Variants in INSL6 observed in about 807,000 individuals in gnomAD.
INSL6 encodes the protein insulin like 6, also known as insulin-like peptide INSL6.
A neutral mutation model predicts 9.4 loss-of-function variants in INSL6; 16 were observed. The observed-to-expected ratio is 1.70, with a 90% confidence interval of 1.15 to 2.59. INSL6 has a LOEUF of 2.59. INSL6 is among the 30% of genes most tolerant of loss of function. The pLI is 0.00. For synonymous variants in INSL6, 154 were observed against 96.9 expected (o/e 1.59, Z -3.46); for missense variants, 391 against 257.3 (o/e 1.52, Z -3.56).
chr9:5,008,054 T>C, the INSL6 span, among the ~76,000 whole-genome samples: 1 of 152,174 alleles, frequency 6.6e-6, no homozygotes. Flanking sequence ...CTTATCAAAC[T>C]GTTTACACAG....
the INSL6 span, among the ~76,000 whole-genome samples, chr9:5,064,662 C>T: frequency 6.6e-6 from 1 of 152,042 alleles, no homozygotes; most frequent in African/African-American, 2.4e-5. Context: ...AAAATGATGG[C>T]TATAGAGTGA....
the INSL6 span, among the ~76,000 whole-genome samples, chr9:5,117,764 C>G: frequency 3.4e-4 from 51 of 151,856 alleles, 1 homozygote; most frequent in South Asian, 0.011. Flanking sequence ...TTTTGGCAAC[C>G]TCAGTAATTT....
intron 2 of INSL6, among the ~76,000 whole-genome samples, chr9:5,136,300 T>A (rs1213677282): frequency 2.0e-5 from 3 of 152,082 alleles, no homozygotes; most frequent in African/African-American, 7.2e-5. Context: ...TACCAAAACC[T>A]GGCAGAGACA....
At chr9:5,167,918 G>A (rs76347502) in intron 1 of INSL6, among the ~76,000 whole-genome samples, 18,005 of 152,122 alleles carry the variant, frequency 0.12, 3,343 homozygotes, top group African/African-American at 0.4. Flanking sequence ...ATACCTCCTG[G>A]GGTGGAAGAA....
At chr9:5,172,570 G>T (rs1032861857) in intron 1 of INSL6, among the ~76,000 whole-genome samples, 1 of 152,104 alleles carries the variant, frequency 6.6e-6, no homozygotes, top group Non-Finnish European at 1.5e-5. Context: ...ATTTAACGAA[G>T]GTCTAATATC....
chr9:5,104,844 G>C, the INSL6 span, among the ~76,000 whole-genome samples: 1 of 152,264 alleles, frequency 6.6e-6, no homozygotes, highest in Admixed American at 6.5e-5. Flanking sequence ...AAAGGTCTTT[G>C]ACAAAATTCT....
At chr9:5,182,192 T>C (rs772726959) in intron 1 of INSL6, among the ~76,000 whole-genome samples, 5 of 152,082 alleles carry the variant, frequency 3.3e-5, no homozygotes, top group Non-Finnish European at 5.9e-5. Context: ...AATAAATCAG[T>C]AAAATGTGAG....
At chr9:5,063,083 C>G in the INSL6 span, among the ~76,000 whole-genome samples, 1 of 152,064 alleles carries the variant, frequency 6.6e-6, no homozygotes, top group Non-Finnish European at 1.5e-5. Flanking sequence ...TCAAACATGT[C>G]ACATGCTTGT....
At chr9:5,160,941 TA>T (rs1824913616), downstream of INSL6, among the ~76,000 whole-genome samples, 1 of 152,126 alleles carries the variant, frequency 6.6e-6, no homozygotes, top group African/African-American at 2.4e-5. Flanking sequence ...AGATTGAAGC[TA>T]TAATAAAAAC....
the INSL6 span, chr9:5,041,019 C>A: frequency 1.5e-6 from 1 of 667,090 alleles, no homozygotes; most frequent in Non-Finnish European, 2.8e-6. Flanking sequence ...CGCAGCTGCA[C>A]CTGGGTACCG....
chr9:5,013,491 G>A, the INSL6 span, among the ~76,000 whole-genome samples: 1 of 152,088 alleles, frequency 6.6e-6, no homozygotes, highest in African/African-American at 2.4e-5. Context: ...ATTGCCTTTT[G>A]GGACATTTCT....
the INSL6 span, among the ~76,000 whole-genome samples, chr9:5,036,666 A>C: frequency 6.6e-6 from 1 of 152,232 alleles, no homozygotes; most frequent in Non-Finnish European, 1.5e-5. Flanking sequence ...CATGTGTAGA[A>C]AGCTGAAACT....
At chr9:5,079,951 G>T in the INSL6 span, among the ~76,000 whole-genome samples, 1 of 152,088 alleles carries the variant, frequency 6.6e-6, no homozygotes, top group Non-Finnish European at 1.5e-5. Context: ...TTCTAATTCT[G>T]TCTCTGCTGC....
chr9:5,016,991 A>G, the INSL6 span, among the ~76,000 whole-genome samples: 1 of 152,242 alleles, frequency 6.6e-6, no homozygotes, highest in African/African-American at 2.4e-5. Context: ...TTTGATCAAG[A>G]TAAAGAAGAA....
At chr9:5,060,881 A>G in the INSL6 span, among the ~76,000 whole-genome samples, 2 of 152,248 alleles carry the variant, frequency 1.3e-5, no homozygotes, top group East Asian at 1.9e-4. Flanking sequence ...TTCTTAGATA[A>G]TAAGACTTGA....
intron 2 of INSL6, among the ~76,000 whole-genome samples, chr9:5,150,953 T>C (rs907468126): frequency 9.2e-5 from 14 of 152,052 alleles, no homozygotes; most frequent in African/African-American, 3.1e-4. Context: ...CTGGAGGCTA[T>C]TATCTTATAT....
the INSL6 span, among the ~76,000 whole-genome samples, chr9:5,072,220 T>A: frequency 2.6e-5 from 4 of 152,148 alleles, no homozygotes; most frequent in African/African-American, 9.6e-5. Context: ...ACTCTATTTT[T>A]AAAAAGTGAC....
the INSL6 span, chr9:5,099,998 G>A: frequency 6.6e-6 from 1 of 152,124 alleles, no homozygotes; most frequent in Non-Finnish European, 1.5e-5. Context: ...GAAACCATTA[G>A]CCTATTTATT....
chr9:5,156,156 T>C (rs1419778100), intron 2 of INSL6, among the ~76,000 whole-genome samples: 3 of 151,998 alleles, frequency 2.0e-5, no homozygotes, highest in African/African-American at 7.2e-5. Flanking sequence ...AAAGGCCAAA[T>C]GAACTTAAGA....
Sources: gnomAD v4.1 joint callset for allele counts (sites outside exome capture counted in the v4.1 genomes callset) on GRCh38, gnomAD v4.1.1 for gene constraint, MANE v1.5 for transcripts, NCBI Gene and HGNC (gene_info 2026-07-23, HGNC 2026-07-21) for gene names.